Variants in SYNE1 observed in about 807,000 individuals in gnomAD.
SYNE1 encodes the protein nesprin-1.
SYNE1 carries 616 observed loss-of-function variants against 1,111.0 expected under a neutral mutation model. The ratio of observed to expected loss-of-function variants is 0.55; its 90% CI spans 0.52 to 0.59. The LOEUF (loss-of-function observed/expected upper bound fraction) is 0.59, where lower values mean the gene tolerates loss of function less well. Ranked by LOEUF, SYNE1 falls within the 20% of genes least tolerant of loss-of-function variation. The pLI is 0.00. For synonymous variants in SYNE1, 3,855 were observed against 3,825.8 expected (o/e 1.01, Z -0.28); for missense variants, 10,006 against 10,417.0 (o/e 0.96, Z 1.72).
rs564774319 is a variant in SYNE1, at chr6:152,351,456, C to T, written c.11580+571G>A. Reference sequence around the variant, plus strand: ...TAACACAAATTATTCCACATATAAGCTTGCATAATTGCTTCAAAAATTTGA... The same window carrying T: ...TAACACAAATTATTCCACATATAAGTTTGCATAATTGCTTCAAAAATTTGA... On this transcript the variant is annotated intron_variant, in intron 70 of 145. Transcript: ENST00000367255. Among the ~76,000 whole-genome samples, 126 of 152,330 alleles carry T rather than the reference C, an allele frequency of 8.3e-4. 2 individuals carry two copies. The Middle Eastern group carries it at 0.01, about 12-fold the overall frequency.
At chr6:152,496,460 T>C (rs1380956156) in intron 11 of SYNE1, among the ~76,000 whole-genome samples, 2 of 152,164 alleles carry the variant, frequency 1.3e-5, no homozygotes, top group African/African-American at 2.4e-5. Flanking sequence ...TACCTCTTTT[T>C]CTCCTTCTCT....
chr6:152,401,145 T>G lies in SYNE1; in HGVS notation c.7022A>C (p.Lys2341Thr), dbSNP rs2097808965. 6.2e-7 allele frequency: 1 copy of G among 1,614,062 alleles called. No homozygotes were observed. The highest frequency in any genetic ancestry group is 8.5e-7 in the Non-Finnish European group (1 of 1,180,012). Reference sequence around the variant, plus strand: ...TGATAGTTTATTACCTACCTTGACTTTTTTCAATGCTTCACAAGTCTCATT... The same window carrying G: ...TGATAGTTTATTACCTACCTTGACTGTTTTCAATGCTTCACAAGTCTCATT... ...AQNETCEALK[K>T]VKDIQKELQS... The change falls in exon 47 of 146, where the codon AAA (lysine) becomes ACA (threonine). Residue 2341 changes from lysine to threonine, a missense_variant. By Grantham distance (78) the Lys-to-Thr change is moderately conservative. Transcript: ENST00000367255.
At chr6:152,123,756 A>G (rs1014806939) in intron 145 of SYNE1, among the ~76,000 whole-genome samples, 2 of 152,224 alleles carry the variant, frequency 1.3e-5, no homozygotes, top group African/African-American at 4.8e-5. Flanking sequence ...ATTCCTTAAG[A>G]GTTTTAATAT....
chr6:152,281,963 C>A lies in SYNE1; in HGVS notation c.18225G>T (p.Gln6075His), dbSNP rs748008287. The change falls in exon 97 of 146, where the codon CAG becomes CAT. Residue 6075 changes from glutamine (Q) to histidine (H), a missense_variant. Physicochemically the swap from Gln to His is conservative, Grantham distance 24 (BLOSUM62 0). This residue lies in a region of SYNE1 where 99 missense variants were observed against 147.8 expected (regional missense o/e 0.67). Transcript: ENST00000367255. ...CCTGTTCCTGCCTTTGTTCCTCCAG[C>A]TGATCATTCAACTTCTCCTGTTGAA... The part of the protein sequence containing the change: ...RQLLEEKLND[Q>H]LEEQRQEQAL... 1 of 1,614,038 alleles carries A rather than the reference C, an allele frequency of 6.2e-7. No individual in the cohort carries two copies. The highest frequency in any genetic ancestry group is 2.2e-5 in the East Asian group (1 of 44,888).
At chr6:152,521,966 A>T (rs1345802301) in intron 5 of SYNE1, among the ~76,000 whole-genome samples, 1 of 152,090 alleles carries the variant, frequency 6.6e-6, no homozygotes, top group African/African-American at 2.4e-5. Flanking sequence ...AAGAGTTTAG[A>T]GTGTTACTGT....
At chr6:152,420,109 CA>C (rs376723546) in intron 39 of SYNE1, among the ~76,000 whole-genome samples, 95 of 152,234 alleles carry the variant, frequency 6.2e-4, no homozygotes, top group African/African-American at 2.0e-3. Context: ...CAGAAGTAAC[CA>C]AAGTTTTTAA....
intron 119 of SYNE1, 77 bp from the exon 120 acceptor site, chr6:152,219,262 C>T (rs2079504831): frequency 8.8e-6 from 12 of 1,371,414 alleles, no homozygotes; most frequent in Admixed American, 1.7e-5. Context: ...CAAAGGGCTA[C>T]ACATGTAGAA....
chr6:152,612,399 G>T (rs192983361), intron 3 of SYNE1, among the ~76,000 whole-genome samples: 69 of 152,244 alleles, frequency 4.5e-4, no homozygotes, highest in African/African-American at 1.6e-3. Context: ...AAATCTAGAA[G>T]AAATGGATAA....
intron 3 of SYNE1, among the ~76,000 whole-genome samples, chr6:152,574,966 G>T (rs1056991958): frequency 2.6e-5 from 4 of 152,090 alleles, no homozygotes; most frequent in African/African-American, 9.7e-5. Flanking sequence ...AGCCACCATG[G>T]AAGTACTTAT....
intron 4 of SYNE1, among the ~76,000 whole-genome samples, chr6:152,530,278 A>G (rs1258606355): frequency 1.3e-5 from 2 of 152,156 alleles, no homozygotes; most frequent in Non-Finnish European, 2.9e-5. Context: ...TAAATCATCT[A>G]AAATTAATTT....
chr6:152,463,632 G>A, intron 18 of SYNE1, 115 bp from the exon 19 acceptor site: 2 of 921,954 alleles, frequency 2.2e-6, no homozygotes, highest in Non-Finnish European at 1.7e-6. Flanking sequence ...TGAATTTTAA[G>A]ATAAATCACA....
chr6:152,351,896 C>G, intron 70 of SYNE1, 131 bp downstream of exon 70: 5 of 801,900 alleles, frequency 6.2e-6, no homozygotes, highest in East Asian at 2.6e-5. Flanking sequence ...CATCACTGGT[C>G]AGCTGCAGAA....
chr6:152,135,212 A>G lies in SYNE1; in HGVS notation c.25680T>C (p.His8560=), dbSNP rs1409009770. ...MQCQGFHEMS[H]GLLLMLENID... The stretch of plus-strand genomic sequence containing the variant: ...TGTTCTCCAGCATAAGAAGCAAACC[A>G]TGGCTCATTTCATGGAAACCCTACA... The change falls in exon 142 of 146, where the codon CAT becomes CAC. Residue 8560 remains histidine, a synonymous_variant. Transcript: ENST00000367255. 1 of 1,614,132 alleles carries G rather than the reference A, an allele frequency of 6.2e-7. No individual in the cohort carries two copies. The highest frequency in any genetic ancestry group is 8.5e-7 in the Non-Finnish European group (1 of 1,180,008).
At chr6:152,271,067 G>T (rs546609164) in intron 98 of SYNE1, among the ~76,000 whole-genome samples, 47 of 152,038 alleles carry the variant, frequency 3.1e-4, no homozygotes, top group Non-Finnish European at 5.0e-4. Context: ...GCTGCTGCTC[G>T]CCTGCCCCTG....
intron 100 of SYNE1, among the ~76,000 whole-genome samples, chr6:152,264,206 C>CAAAAAAAAAAAA (rs56714685): frequency 4.4e-5 from 2 of 45,896 alleles, no homozygotes; most frequent in Non-Finnish European, 3.7e-5. Flanking sequence ...GACTCCATCT[C>CAAAAAAAAAAAA]AAAAAAAAAA....
intron 6 of SYNE1, among the ~76,000 whole-genome samples, chr6:152,515,211 G>C (rs1282064027): frequency 6.8e-6 from 1 of 147,584 alleles, no homozygotes; most frequent in Non-Finnish European, 1.5e-5. Context: ...GACAAAGCAA[G>C]AGTCTGTCTC....
At chr6:152,377,787 T>C (rs1442917841) in intron 56 of SYNE1, among the ~76,000 whole-genome samples, 1 of 151,324 alleles carries the variant, frequency 6.6e-6, no homozygotes, top group Admixed American at 6.6e-5. Context: ...ATTTATTTCA[T>C]AGTTTCATTC....
intron 33 of SYNE1, chr6:152,434,396 A>G (rs1430037553): frequency 1.2e-5 from 2 of 163,404 alleles, no homozygotes; most frequent in African/African-American, 4.8e-5. Context: ...CTATAGAAAT[A>G]CCTTTATAAA....
rs2098741991 is a variant in SYNE1, at chr6:152,462,795, A to G, written c.2193T>C (p.Leu731=). 1 of 1,613,926 alleles carries G rather than the reference A, an allele frequency of 6.2e-7. No individual in the cohort carries two copies. The highest frequency in any genetic ancestry group is 1.1e-5 in the South Asian group (1 of 91,086). Residue 731 remains leucine, a synonymous_variant, in exon 20 of 146, where the codon CTT becomes CTC. Transcript: ENST00000367255. The part of the protein sequence containing the change: ...SAFATEAHKK[L]SEPLEVSFMN... ...TAAAAGAGACTTCTAAGGGTTCAGAAAGTTTCTTATGGGCTTCCGTTGCAA... is the reference window on the plus strand; with the variant it reads ...TAAAAGAGACTTCTAAGGGTTCAGAGAGTTTCTTATGGGCTTCCGTTGCAA...
Sources: gnomAD v4.1 joint callset for allele counts (sites outside exome capture counted in the v4.1 genomes callset) on GRCh38, gnomAD v4.1.1 for gene constraint, gnomAD v4.1.1 regional missense constraint, MANE v1.5 for transcripts, NCBI Gene and HGNC (gene_info 2026-07-23, HGNC 2026-07-21) for gene names.